ANO2: variants seen among roughly 807,000 people sequenced by gnomAD.
ANO2 encodes anoctamin 2.
In ANO2, 101 loss-of-function variants were observed where a neutral mutation model predicts 124.2. The observed-to-expected ratio is 0.81, with a 90% CI of 0.69 to 0.96. The LOEUF is 0.96. ANO2 is among the 40% of genes least tolerant of loss of function. The probability of loss-of-function intolerance (pLI) is 0.00; values close to 1 mark genes in which losing one functional copy is unlikely to be tolerated. For missense variants in ANO2, 1,293 were observed against 1,274.5 expected, an observed-to-expected ratio of 1.01 and a Z score of -0.22; for synonymous variants, 486 against 482.5, an observed-to-expected ratio of 1.01 and a Z score of -0.09.
rs114819138 is a variant in ANO2, at chr12:5,730,323, C to A, written c.1545+2197G>T. On this transcript the variant is annotated intron_variant, in intron 14 of 24. Transcript: ENST00000682330. Reference sequence around the variant, plus strand: ...AAAAGGAAAAAGAAAAGCAAACAGGCCTTGGGGATCAGGCAGAGCTGGGTT... The same window carrying A: ...AAAAGGAAAAAGAAAAGCAAACAGGACTTGGGGATCAGGCAGAGCTGGGTT... Among the ~76,000 whole-genome samples the A allele has an allele frequency of 3.3e-5, 5 of 152,138 alleles. No individual in the cohort carries two copies. The South Asian group carries it at 1.0e-3, about 32-fold the overall frequency.
chr12:5,590,340 C>T (rs559140051), intron 20 of ANO2, among the ~76,000 whole-genome samples: 5 of 152,278 alleles, frequency 3.3e-5, no homozygotes, highest in East Asian at 1.9e-4. Context: ...GAGGAAAGAT[C>T]GTCGACACAG....
chr12:5,798,106 C>T (rs897789672), intron 10 of ANO2, among the ~76,000 whole-genome samples: 27 of 151,940 alleles, frequency 1.8e-4, no homozygotes, highest in African/African-American at 6.0e-4. Context: ...AGAAAACAGG[C>T]GACAGAGTGG....
rs566701653 is a variant in ANO2 at position 5,891,195 on chromosome 12, G to C, written c.534+29845C>G. On this transcript the variant is annotated intron_variant, in intron 3 of 24. Transcript: ENST00000682330. ...ATTAGCATGGACAGAGAGAGCCGAG[G>C]AGAAGCCCTCTATTTCTGGCTTTAG... Among the ~76,000 whole-genome samples, 6 of 152,324 alleles carry C rather than the reference G, an allele frequency of 3.9e-5. No homozygotes were observed. In the South Asian group the frequency reaches 1.2e-3, roughly 32 times the overall value.
intron 10 of ANO2, among the ~76,000 whole-genome samples, chr12:5,764,688 C>T (rs937075660): frequency 6.6e-6 from 1 of 152,158 alleles, no homozygotes; most frequent in Non-Finnish European, 1.5e-5. Context: ...CATCACCATT[C>T]GCCCCCAGCC....
intron 14 of ANO2, among the ~76,000 whole-genome samples, chr12:5,727,673 T>C (rs1950494021): frequency 1.4e-5 from 2 of 142,290 alleles, no homozygotes; most frequent in East Asian, 4.4e-4. Flanking sequence ...AGTCTCACTC[T>C]GCCACCCAGG....
chr12:5,799,892 A>G (rs1952988700), intron 9 of ANO2, among the ~76,000 whole-genome samples: 1 of 152,246 alleles, frequency 6.6e-6, no homozygotes, highest in South Asian at 2.1e-4. Context: ...ACAAGTATTT[A>G]TTGACATCTC....
intron 2 of ANO2, among the ~76,000 whole-genome samples, 182 bp downstream of exon 2, chr12:5,922,436 CAG>C (rs1193812870): frequency 2.6e-5 from 4 of 152,232 alleles, no homozygotes; most frequent in African/African-American, 9.6e-5. Flanking sequence ...CTGACCAGAA[CAG>C]GGCACTGGGA....
At chr12:5,607,540 A>G (rs912844245) in intron 19 of ANO2, among the ~76,000 whole-genome samples, 2 of 152,014 alleles carry the variant, frequency 1.3e-5, no homozygotes, top group Non-Finnish European at 2.9e-5. Context: ...GGGATCCCCA[A>G]TCCCTGGGCC....
In ANO2 at chr12:5,636,605, TACACACACACACACACACACAC is replaced by T. The variant is rs61059041; in HGVS notation, c.1621-1280_1621-1259del. On this transcript the variant is annotated intron_variant, in intron 15 of 24. Transcript: ENST00000682330. The surrounding 1 kb of genome is among the most constrained non-coding windows in gnomAD (Gnocchi z 4.6). ...CCTGAAAAAATAAGCTGTGCTGGAC[TACACACACACACACACACACAC>T]ACACACACACACACACACACACGCA... Among the ~76,000 whole-genome samples the T allele has an allele frequency of 4.2e-5, 5 of 118,490 alleles. No individual in the cohort carries two copies. Among genetic ancestry groups the T allele is most frequent in the African/African-American group, 6.5e-5 (2 of 30,682 alleles). The allele number at this position is 118,490 out of a possible 152,430, so 77.7% of individuals were successfully genotyped here.
intron 14 of ANO2, among the ~76,000 whole-genome samples, chr12:5,724,589 A>G (rs1488708432): frequency 2.0e-5 from 3 of 152,172 alleles, no homozygotes; most frequent in Admixed American, 2.0e-4. Context: ...GTGTTTGTTT[A>G]TTGTGCCTGC....
At chr12:5,819,570 C>A (rs1953718638) in intron 7 of ANO2, among the ~76,000 whole-genome samples, 1 of 152,114 alleles carries the variant, frequency 6.6e-6, no homozygotes, top group Non-Finnish European at 1.5e-5. Flanking sequence ...CCTGATCTCC[C>A]TTGGTTTAAC....
intron 7 of ANO2, among the ~76,000 whole-genome samples, chr12:5,823,035 C>T (rs897219160): frequency 6.6e-6 from 1 of 152,202 alleles, no homozygotes; most frequent in Non-Finnish European, 1.5e-5. Flanking sequence ...CAATTACCCA[C>T]CCTGTGTCCC....
chr12:5,679,182 C>G (rs78462121), intron 14 of ANO2, among the ~76,000 whole-genome samples: 1 of 152,214 alleles, frequency 6.6e-6, no homozygotes, highest in South Asian at 2.1e-4. Flanking sequence ...ACTATAAAAA[C>G]CCTAAAAGAA....
intron 4 of ANO2, among the ~76,000 whole-genome samples, chr12:5,848,804 A>T (rs1459192511): frequency 2.0e-5 from 3 of 152,170 alleles, no homozygotes; most frequent in Admixed American, 6.5e-5. Flanking sequence ...GCTTCCCCCA[A>T]CATTGCAGAG....
chr12:5,650,961 C>T (rs565758078), intron 14 of ANO2, among the ~76,000 whole-genome samples: 6 of 152,302 alleles, frequency 3.9e-5, no homozygotes, highest in African/African-American at 1.4e-4. Context: ...ACTCTTAGCA[C>T]CTCTCTCTCC....
intron 20 of ANO2, among the ~76,000 whole-genome samples, chr12:5,592,580 A>G (rs1943452271): frequency 6.6e-6 from 1 of 152,208 alleles, no homozygotes; most frequent in Non-Finnish European, 1.5e-5. Context: ...AGAAGTCTGT[A>G]GCGTTGAAGG....
At chr12:5,941,479 C>T (rs746890053) in intron 1 of ANO2, among the ~76,000 whole-genome samples, 3 of 151,426 alleles carry the variant, frequency 2.0e-5, no homozygotes, top group African/African-American at 7.3e-5. Context: ...TAGGGCGATA[C>T]CAAACAAGCT....
intron 20 of ANO2, among the ~76,000 whole-genome samples, chr12:5,582,951 C>T (rs1357617138): frequency 6.6e-6 from 1 of 152,162 alleles, no homozygotes. Flanking sequence ...CATCTCTCAT[C>T]CTCACTCCCA....
chr12:5,758,788 C>T (rs1183036793), intron 10 of ANO2, among the ~76,000 whole-genome samples: 2 of 152,126 alleles, frequency 1.3e-5, no homozygotes, highest in African/African-American at 4.8e-5. Context: ...TACTACTTAC[C>T]TCAGTTTCCA....
Sources: gnomAD v4.1 joint callset for allele counts (sites outside exome capture counted in the v4.1 genomes callset) on GRCh38, gnomAD v4.1.1 for gene constraint, Gnocchi (gnomAD v3.1) non-coding constraint, MANE v1.5 for transcripts, NCBI Gene and HGNC (gene_info 2026-07-23, HGNC 2026-07-21) for gene names.